C1RL: variants seen among roughly 807,000 people sequenced by gnomAD.
The protein encoded by C1RL is complement C1r subcomponent-like protein.
Under a neutral mutation model 27.9 loss-of-function variants are expected in C1RL, and 27 were observed. The ratio of observed to expected loss-of-function variants is 0.97; its 90% confidence interval spans 0.71 to 1.33. C1RL has a LOEUF of 1.33. C1RL is among the 40% of genes most tolerant of loss of function. The pLI is 0.00. For missense variants in C1RL, 563 were observed against 623.9 expected (o/e 0.90, Z 1.04); for synonymous variants, 248 against 252.1 (o/e 0.98, Z 0.15).
At chr12:7,099,570 C>T (rs1252429547) in intron 5 of C1RL, 116 bp downstream of exon 5, 2 of 1,459,808 alleles carry the variant, frequency 1.4e-6, no homozygotes, top group Non-Finnish European at 9.2e-7. Flanking sequence ...TCTTCCTCAC[C>T]TTCTGCTTCT....
At chr12:7,100,196 T>G (rs996750837) in intron 3 of C1RL, among the ~76,000 whole-genome samples, 170 bp from the exon 4 acceptor site, 1 of 152,320 alleles carries the variant, frequency 6.6e-6, no homozygotes, top group African/African-American at 2.4e-5. Context: ...CTCAAAGAGT[T>G]TGAAGATAAC....
chr12:7,108,970 T>TGG, intron 1 of C1RL, 140 bp downstream of exon 1: 1 of 328,432 alleles, frequency 3.0e-6, no homozygotes, highest in Admixed American at 6.1e-5. Context: ...GGGGGAGGTG[T>TGG]GTGTGTGTGT....
In C1RL at chr12:7,097,182, A is replaced by C; in HGVS notation, c.692-19T>G. On this transcript the variant is annotated intron_variant, in intron 5 of 5. Coordinates refer to ENST00000266542, the MANE Select transcript of C1RL (RefSeq NM_016546.4). ...CCGCAGACTGGGAGAGAGGCGGGGT[A>C]GGGGTGACAGTCAGCAGCTGCATCT... The C allele has an allele frequency of 6.4e-7, 1 of 1,573,964 alleles. No homozygotes were observed. Among genetic ancestry groups the C allele is most frequent in the Non-Finnish European group, 8.6e-7 (1 of 1,159,334 alleles).
At chr12:7,101,101 C>T (rs139465822) in intron 3 of C1RL, among the ~76,000 whole-genome samples, 2,932 of 77,334 alleles carry the variant, frequency 0.038, 147 homozygotes, top group South Asian at 0.091. Flanking sequence ...CTCCTTCCCT[C>T]CTTCCTTCCC....
In C1RL at chr12:7,108,475, A is replaced by G; in HGVS notation, c.76T>C (p.Trp26Arg). 1 of 1,587,762 alleles carries G rather than the reference A, an allele frequency of 6.3e-7. No homozygotes were observed. Among genetic ancestry groups the G allele is most frequent in the Non-Finnish European group, 8.6e-7 (1 of 1,163,736 alleles). The change falls in exon 2 of 6, where the codon TGG becomes CGG. Residue 26 changes from tryptophan to arginine, a missense_variant. Physicochemically the swap from Trp to Arg is moderately radical, Grantham distance 101. Transcript: ENST00000266542. ...HSKGCPGAMWWLLLWGVLQAC... is the reference protein window; with the variant it reads ...HSKGCPGAMWRLLLWGVLQAC... ...TGGAGGACTCCCCAGAGAAGCAGCC[A>G]CCACCTGTGAGTTGGGGGGAGGGCA...
At chr12:7,099,038 A>G (rs1335533837) in intron 5 of C1RL, among the ~76,000 whole-genome samples, 2 of 116,720 alleles carry the variant, frequency 1.7e-5, no homozygotes, top group Non-Finnish European at 3.6e-5. Context: ...TCTACTAAAA[A>G]TACAAAAAAA....
Position 7,108,236 on chromosome 12 carries a change from C to CTGTGA in C1RL, c.300+14_300+15insTCACA, listed in dbSNP as rs751396881. ...GGCCACAGTCCTGGCGGGACCCCCC[C>CTGTGA]CATCCCCAGCTCACTGTGACAGAGT... On this transcript the variant is annotated intron_variant, in intron 2 of 5. Coordinates refer to ENST00000266542, the MANE Select transcript of C1RL (RefSeq NM_016546.4). 6.3e-7 allele frequency: 1 copy of CTGTGA among 1,582,006 alleles called. No homozygotes were observed. Among genetic ancestry groups the CTGTGA allele is most frequent in the Non-Finnish European group, 8.6e-7 (1 of 1,159,004 alleles).
chr12:7,100,605 C>G (rs1938589086), intron 3 of C1RL, among the ~76,000 whole-genome samples: 2 of 152,002 alleles, frequency 1.3e-5, no homozygotes. Context: ...ACCAGCCTGG[C>G]CAACAAGGTG....
chr12:7,108,139 TG>T, intron 2 of C1RL, 111 bp downstream of exon 2: 1 of 880,750 alleles, frequency 1.1e-6, no homozygotes, highest in Non-Finnish European at 1.7e-6. Flanking sequence ...TGCCCCTACA[TG>T]GAAAATTCAT....
At position 7,101,892 on chromosome 12, in the gene C1RL, A is replaced by T; in HGVS notation, c.490+6T>A. The T allele has an allele frequency of 6.2e-7, 1 of 1,613,844 alleles. No homozygotes were observed. Among genetic ancestry groups the T allele is most frequent in the Non-Finnish European group, 8.5e-7 (1 of 1,179,802 alleles). On this transcript the variant is annotated splice_donor_region_variant and intron_variant, in intron 3 of 5. Transcript: ENST00000266542. ...CCCTCCCTGCACCCCCAGGAGGGAC[A>T]CTCACCCACGGTTTGGTAGAGGGCC...
Position 7,109,142 on chromosome 12 carries a change from T to C in C1RL, c.39A>G (p.Arg13=). The change falls in exon 1 of 6, where the codon AGA becomes AGG. Residue 13 remains arginine, a synonymous_variant. Coordinates refer to ENST00000266542, the MANE Select transcript of C1RL (RefSeq NM_016546.4). The part of the protein sequence containing the change: ...GPRVWGKYLW[R]SPHSKGCPGA... ...CTGGACAGCCTTTGGAGTGAGGGCT[T>C]CTCCAGAGATATTTCCCCCACACTC... The C allele has an allele frequency of 6.2e-7, 1 of 1,600,546 alleles. No homozygotes were observed. The highest frequency in any genetic ancestry group is 8.5e-7 in the Non-Finnish European group (1 of 1,173,110).
At chr12:7,098,300 G>A (rs982079399) in intron 5 of C1RL, 1 of 152,152 alleles carries the variant, frequency 6.6e-6, no homozygotes, top group African/African-American at 2.4e-5. Flanking sequence ...AACAAAAGAA[G>A]GCAATGCTTT....
chr12:7,102,199 G>GC (rs982811585), intron 2 of C1RL, 112 bp from the exon 3 acceptor site: 47 of 1,115,862 alleles, frequency 4.2e-5, no homozygotes, highest in Middle Eastern at 2.9e-4. Context: ...GACGGGCCGT[G>GC]CCCCTCTGGG....
intron 3 of C1RL, among the ~76,000 whole-genome samples, chr12:7,101,087 T>TTCCCTCCCTCCC: frequency 9.8e-6 from 1 of 101,714 alleles, no homozygotes; most frequent in Non-Finnish European, 2.1e-5. Flanking sequence ...CCTTCCTTCC[T>TTCCCTCCCTCCC]TCCCTCCTTC....
intron 2 of C1RL, among the ~76,000 whole-genome samples, chr12:7,107,791 C>A (rs2135765339): frequency 6.6e-6 from 1 of 152,282 alleles, no homozygotes; most frequent in South Asian, 2.1e-4. Context: ...TGTCCTTATT[C>A]TGAATAAGGC....
chr12:7,099,617 C>G, intron 5 of C1RL, 69 bp downstream of exon 5: 1 of 1,539,622 alleles, frequency 6.5e-7, no homozygotes. Context: ...CCTTTAACCC[C>G]TGTGTCCTGT....
At chr12:7,100,123 T>A (rs1938575256) in intron 3 of C1RL, 97 bp from the exon 4 acceptor site, 1 of 1,202,694 alleles carries the variant, frequency 8.3e-7, no homozygotes, top group Admixed American at 2.9e-5. Flanking sequence ...CACAGTGTTT[T>A]ATTTTTTATT....
Position 7,109,133 on chromosome 12 carries a change from G to A in C1RL, c.48C>T (p.His16=). Residue 16 remains histidine (H), a synonymous_variant, in exon 1 of 6, where the codon CAC becomes CAT. Transcript: ENST00000266542. ...VWGKYLWRSP[H]SKGCPGAMWW... The stretch of plus-strand genomic sequence containing the variant: ...ACATTGCGCCTGGACAGCCTTTGGA[G>A]TGAGGGCTTCTCCAGAGATATTTCC... 1 of 1,598,556 alleles carries A rather than the reference G, an allele frequency of 6.3e-7. No individual in the cohort carries two copies. The highest frequency in any genetic ancestry group is 2.2e-5 in the East Asian group (1 of 44,552).
chr12:7,098,045 A>T (rs926725726), intron 5 of C1RL, among the ~76,000 whole-genome samples: 3 of 152,082 alleles, frequency 2.0e-5, no homozygotes, highest in Admixed American at 6.5e-5. Flanking sequence ...AGATGGGCGG[A>T]TCACGAGGTC....
Sources: allele counts gnomAD v4.1 joint callset (sites outside exome capture counted in the v4.1 genomes callset), GRCh38; gene constraint gnomAD v4.1.1; transcripts MANE v1.5; gene names NCBI Gene and HGNC (gene_info 2026-07-23, HGNC 2026-07-21).